The following CATSPERE variants were observed in gnomAD, a reference collection of about 807,000 sequenced individuals.
CATSPERE encodes the protein cation channel sperm-associated auxiliary subunit epsilon.
In CATSPERE, 93 loss-of-function variants were observed where a neutral mutation model predicts 114.1. The observed-to-expected ratio is 0.81, with a 90% CI of 0.69 to 0.97. The LOEUF (loss-of-function observed/expected upper bound fraction) is 0.97. Ranked by LOEUF, CATSPERE falls within the 50% of genes least tolerant of loss-of-function variation. The probability of loss-of-function intolerance (pLI) is 0.00; values close to 1 mark genes in which losing one functional copy is unlikely to be tolerated. For missense variants in CATSPERE, 1,058 were observed against 1,131.6 expected (o/e 0.93, Z 0.93); for synonymous variants, 341 against 384.1 (o/e 0.89, Z 1.31).
At chr1:244,609,416 T>C (rs1670424291) in intron 18 of CATSPERE, among the ~76,000 whole-genome samples, 1 of 151,648 alleles carries the variant, frequency 6.6e-6, no homozygotes, top group African/African-American at 2.4e-5. Context: ...AGTGGCGTGA[T>C]CTTGGCGCAC....
intron 2 of CATSPERE, among the ~76,000 whole-genome samples, chr1:244,471,532 G>C (rs897343621): frequency 6.6e-6 from 1 of 152,136 alleles, no homozygotes; most frequent in African/African-American, 2.4e-5. Flanking sequence ...GCCCTTTGCA[G>C]TCATGCTTTA....
intron 10 of CATSPERE, among the ~76,000 whole-genome samples, chr1:244,561,513 G>A (rs1317441788): frequency 6.6e-6 from 1 of 152,136 alleles, no homozygotes; most frequent in African/African-American, 2.4e-5. Context: ...CAACATAAAT[G>A]TATGACTTCA....
chr1:244,588,501 G>T lies in CATSPERE; in HGVS notation c.2105G>T (p.Gly702Val). ...TTTTAGGTGTTCCAAATAGCTGTTG[G>T]CTGTGATGATAAAAAATTCATTGCA... ...IAQKVFQIAVGCDDKKFIAIK... is the reference protein window; with the variant it reads ...IAQKVFQIAVVCDDKKFIAIK... Residue 702 changes from glycine (G) to valine (V), a missense_variant, in exon 14 of 22, where the codon GGC becomes GTC. Around this residue, in one of 2 missense-constraint regions of CATSPERE, gnomAD observed 787 missense variants for 905.6 expected, o/e 0.87. Transcript: ENST00000366534. The T allele has an allele frequency of 6.2e-7, 1 of 1,611,956 alleles. No homozygotes were observed. The highest frequency in any genetic ancestry group is 8.5e-7 in the Non-Finnish European group (1 of 1,178,236).
At chr1:244,597,187 A>G (rs1455156049) in intron 17 of CATSPERE, among the ~76,000 whole-genome samples, 1 of 152,166 alleles carries the variant, frequency 6.6e-6, no homozygotes, top group African/African-American at 2.4e-5. Context: ...ATTAACAAAC[A>G]CAATCACAGA....
At chr1:244,497,938 G>C (rs1351405899) in intron 6 of CATSPERE, among the ~76,000 whole-genome samples, 1 of 152,198 alleles carries the variant, frequency 6.6e-6, no homozygotes, top group African/African-American at 2.4e-5. Context: ...TCACCACTGA[G>C]AGGGCATATT....
At chr1:244,536,395 T>C (rs1680390324) in intron 8 of CATSPERE, among the ~76,000 whole-genome samples, 2 of 152,152 alleles carry the variant, frequency 1.3e-5, no homozygotes, top group Non-Finnish European at 2.9e-5. Context: ...TCCAGAGAAC[T>C]TTAGCCTGTG....
chr1:244,581,842 A>C lies in CATSPERE; in HGVS notation c.1997A>C (p.Tyr666Ser), dbSNP rs1666237428. The C allele has an allele frequency of 7.7e-7, 1 of 1,305,866 alleles. No individual in the cohort carries two copies. The highest frequency in any genetic ancestry group is 1.5e-5 in the African/African-American group (1 of 68,250). The allele number at this position is 1,305,866 out of a possible 1,614,324, so 80.9% of individuals were successfully genotyped here. Reference sequence around the variant, plus strand: ...GTAGATTATGAGAGAATATCTGATTACTTTGAGACACAGTAAGTATAACTT... The same window carrying C: ...GTAGATTATGAGAGAATATCTGATTCCTTTGAGACACAGTAAGTATAACTT... ...QNVDYERISDYFETQDKHTGL... is the reference protein window; with the variant it reads ...QNVDYERISDSFETQDKHTGL... Residue 666 changes from tyrosine (Y) to serine (S), a missense_variant, in exon 12 of 22, where the codon TAC becomes TCC. This residue lies in a region of CATSPERE where 787 missense variants were observed against 905.6 expected (regional missense o/e 0.87). Coordinates refer to ENST00000366534, the MANE Select transcript of CATSPERE (RefSeq NM_001130957.2).
upstream of CATSPERE, chr1:244,451,507 G>C: frequency 3.8e-6 from 4 of 1,043,194 alleles, no homozygotes; most frequent in Non-Finnish European, 5.4e-6. The surrounding 1 kb of genome is among the most constrained non-coding windows in gnomAD (Gnocchi z 6.6). Flanking sequence ...GACAGGAGGA[G>C]AGAGCCTCAA....
At chr1:244,464,880 G>A (rs1012812208) in intron 2 of CATSPERE, among the ~76,000 whole-genome samples, 19 of 149,986 alleles carry the variant, frequency 1.3e-4, no homozygotes, top group Admixed American at 3.3e-4. Flanking sequence ...TCTACATTGC[G>A]TTGTAAAAAT....
intron 7 of CATSPERE, among the ~76,000 whole-genome samples, chr1:244,507,127 T>C (rs1674948475): frequency 6.6e-6 from 1 of 152,224 alleles, no homozygotes; most frequent in African/African-American, 2.4e-5. Flanking sequence ...ATCATATATA[T>C]AGACTGCATT....
chr1:244,621,539 A>T (rs1672394853), intron 20 of CATSPERE, among the ~76,000 whole-genome samples: 1 of 151,616 alleles, frequency 6.6e-6, no homozygotes, highest in South Asian at 2.1e-4. Context: ...CAAGCCTCAG[A>T]AAATCCCGAA....
upstream of CATSPERE, among the ~76,000 whole-genome samples, chr1:244,461,021 T>G (rs1188814027): frequency 1.3e-5 from 2 of 152,234 alleles, no homozygotes; most frequent in African/African-American, 4.8e-5. Flanking sequence ...ACATGAAGAT[T>G]TGGGCTAAAA....
At chr1:244,473,564 A>G (rs1236220775) in intron 2 of CATSPERE, among the ~76,000 whole-genome samples, 1 of 151,950 alleles carries the variant, frequency 6.6e-6, no homozygotes, top group Non-Finnish European at 1.5e-5. Flanking sequence ...TTGTCTTTTC[A>G]TTCTCTTAAC....
chr1:244,597,458 A>G (rs1668587701), intron 17 of CATSPERE, among the ~76,000 whole-genome samples: 1 of 152,056 alleles, frequency 6.6e-6, no homozygotes, highest in Admixed American at 6.5e-5. Context: ...TCTGGCTTCC[A>G]GAATAGCTCA....
rs3003255 is a variant in CATSPERE, at chr1:244,529,633, G to T, written c.536+10935G>T. Among the ~76,000 whole-genome samples, 1,118 of 151,970 alleles carry T rather than the reference G, an allele frequency of 7.4e-3. 14 individuals carry two copies. Among genetic ancestry groups the T allele is most frequent in the African/African-American group, 0.025 (1,041 of 41,472 alleles). On this transcript the variant is annotated intron_variant, in intron 8 of 21. Coordinates refer to ENST00000366534, the MANE Select transcript of CATSPERE (RefSeq NM_001130957.2). ...CTGTGGATTGTCTCTTCAATTTTTT[G>T]ATTGTTTCCTTTGCTGTGCGGAAGC...
rs747257340 is a variant in CATSPERE at position 244,640,066 on chromosome 1, A to G, written c.2841A>G (p.Lys947=). ...IYEPLHKPQR[K]RKKN ...AACCACTTCACAAACCTCAAAGAAA[A>G]CGTAAGAAGAATTAGGAAAACTGAA... The change falls in exon 22 of 22, where the codon AAA becomes AAG. Residue 947 remains lysine (K), a synonymous_variant. Coordinates refer to ENST00000366534, the MANE Select transcript of CATSPERE (RefSeq NM_001130957.2). 4.5e-6 allele frequency: 7 copies of G among 1,548,754 alleles called. No homozygotes were observed. Among genetic ancestry groups the G allele is most frequent in the Non-Finnish European group, 6.1e-6 (7 of 1,145,534 alleles).
At chr1:244,508,450 G>A (rs538027141) in intron 7 of CATSPERE, among the ~76,000 whole-genome samples, 13 of 151,462 alleles carry the variant, frequency 8.6e-5, no homozygotes, top group East Asian at 2.0e-4. Context: ...ATAGGCACCC[G>A]CCACCACGCC....
chr1:244,582,986 A>T (rs1666457644), intron 12 of CATSPERE, among the ~76,000 whole-genome samples: 2 of 59,154 alleles, frequency 3.4e-5, no homozygotes, highest in South Asian at 5.8e-4. Context: ...TAAATCAGTG[A>T]CAGAGACTGA....
intron 17 of CATSPERE, among the ~76,000 whole-genome samples, chr1:244,594,495 T>G (rs1668124265): frequency 6.6e-6 from 1 of 152,118 alleles, no homozygotes; most frequent in Non-Finnish European, 1.5e-5. Context: ...ATAGAAAAAA[T>G]ACGAGGTAAA....
Sources: gnomAD v4.1 joint callset for allele counts (sites outside exome capture counted in the v4.1 genomes callset) on GRCh38, gnomAD v4.1.1 for gene constraint, gnomAD v4.1.1 regional missense constraint, Gnocchi (gnomAD v3.1) non-coding constraint, MANE v1.5 for transcripts, NCBI Gene and HGNC (gene_info 2026-07-23, HGNC 2026-07-21) for gene names.